DDX54: variants seen among roughly 807,000 people sequenced by gnomAD.
DDX54 encodes DEAD-box helicase 54.
A neutral mutation model predicts 105.5 loss-of-function variants in DDX54; 67 were observed. That is an observed-to-expected ratio of 0.64 (90% CI 0.52 to 0.78). The LOEUF is 0.78. Ranked by LOEUF, DDX54 falls within the 30% of genes least tolerant of loss-of-function variation. The pLI is 0.00. For missense variants in DDX54, 1,206 were observed against 1,230.5 expected, an observed-to-expected ratio of 0.98 and a Z score of 0.30; for synonymous variants, 514 against 509.9, an observed-to-expected ratio of 1.01 and a Z score of -0.11.
Position 113,159,080 on chromosome 12 carries a change from G to A in DDX54, c.2443C>T (p.Pro815Ser), listed in dbSNP as rs762526913. The A allele has an allele frequency of 6.2e-7, 1 of 1,606,198 alleles. No homozygotes were observed. Among genetic ancestry groups the A allele is most frequent in the Non-Finnish European group, 8.5e-7 (1 of 1,177,300 alleles). ...GASRPHAPGT[P>S]AGRVRPELKT... The stretch of plus-strand genomic sequence containing the variant: ...AGTTCCGGGCGGACTCGGCCTGCAG[G>A]GGTGCCTGGGGCGTGGGGCCGGGAT... The change falls in exon 20 of 20, where the codon CCT becomes TCT. Residue 815 changes from proline to serine, a missense_variant. Physicochemically the swap from Pro to Ser is moderately conservative, Grantham distance 74. Around this residue, in one of 3 missense-constraint regions of DDX54, gnomAD observed 961 missense variants for 1,019.1 expected, o/e 0.94. Coordinates refer to ENST00000306014, the MANE Select transcript of DDX54 (RefSeq NM_024072.4).
intron 1 of DDX54, among the ~76,000 whole-genome samples, chr12:113,182,628 G>C (rs1387324468): frequency 2.6e-5 from 4 of 151,796 alleles, no homozygotes; most frequent in Non-Finnish European, 5.9e-5. Flanking sequence ...CAGGATCTTG[G>C]CTCACTGCAG....
chr12:113,184,500 G>C (rs980298474), intron 1 of DDX54, among the ~76,000 whole-genome samples: 3 of 152,190 alleles, frequency 2.0e-5, no homozygotes, highest in African/African-American at 7.2e-5. Flanking sequence ...GGCTCGTACA[G>C]CTCTTAGCAT....
chr12:113,174,643 A>T lies in DDX54; in HGVS notation c.1065T>A (p.Thr355=). ...TCCCACTCAGGACCCTGCTCACCTC[A>T]GTGAGGTACTCGGCGTGGTGCTTCG... ...VATKHHAEYL[T]ELLTTQRVSC... Residue 355 remains threonine, a synonymous_variant, in exon 10 of 20, where the codon ACT becomes ACA. Transcript: ENST00000306014. 6.2e-7 allele frequency: 1 copy of T among 1,611,636 alleles called. No homozygotes were observed. The highest frequency in any genetic ancestry group is 2.2e-5 in the East Asian group (1 of 44,786).
Position 113,172,524 on chromosome 12 carries a change from T to C in DDX54, c.1108A>G (p.Ser370Gly). Residue 370 changes from serine (S) to glycine (G), a missense_variant, in exon 11 of 20, where the codon AGT becomes GGT. Around this residue, in one of 3 missense-constraint regions of DDX54, gnomAD observed 961 missense variants for 1,019.1 expected, o/e 0.94. Coordinates refer to ENST00000306014, the MANE Select transcript of DDX54 (RefSeq NM_024072.4). The stretch of plus-strand genomic sequence containing the variant: ...TTGCGGGCTGTCGGGTCTAGGGCAC[T>C]GTAGATGTGGGCGCAGCTCACCCGC... ...TQRVSCAHIYSALDPTARKIN... is the reference protein window; with the variant it reads ...TQRVSCAHIYGALDPTARKIN... 1 of 1,614,212 alleles carries C rather than the reference T, an allele frequency of 6.2e-7. No homozygotes were observed. The highest frequency in any genetic ancestry group is 1.1e-5 in the South Asian group (1 of 91,086).
chr12:113,163,990 C>T lies in DDX54; in HGVS notation c.1938+77G>A. ...CATCCACTGCTCAAAGATCCTAGGACAGCCTCATGGGCTGCTGGGACTTAG... is the reference window on the plus strand; with the variant it reads ...CATCCACTGCTCAAAGATCCTAGGATAGCCTCATGGGCTGCTGGGACTTAG... On this transcript the variant is annotated intron_variant, in intron 15 of 19. Transcript: ENST00000306014. This position sits in a 1 kb window ranked among gnomAD's most constrained non-coding sequence, Gnocchi z 5.9. The T allele has an allele frequency of 6.8e-7, 1 of 1,471,588 alleles. No individual in the cohort carries two copies. The highest frequency in any genetic ancestry group is 1.4e-5 in the South Asian group (1 of 72,166). The allele number at this position is 1,471,588 out of a possible 1,614,324, so 91.2% of individuals were successfully genotyped here. A position where few individuals can be genotyped will look rare whatever the true frequency, so the allele number is the denominator to read the frequency against.
rs531733346 is a variant in DDX54, at chr12:113,185,454, G to C, written c.-3C>G. ...GCCGGGCCCTTGTCGGCCGCCATTC[G>C]GGCCGCGCGCTGGGAACGCAGAAGG... On this transcript the variant is annotated 5_prime_UTR_variant, in exon 1 of 20. Coordinates refer to ENST00000306014, the MANE Select transcript of DDX54 (RefSeq NM_024072.4). The C allele has an allele frequency of 1.9e-5, 28 of 1,500,638 alleles. No individual in the cohort carries two copies. In the East Asian group the frequency reaches 5.8e-4, roughly 31 times the overall value. The allele number at this position is 1,500,638 out of a possible 1,614,324, so 93.0% of individuals were successfully genotyped here.
Position 113,165,999 on chromosome 12 carries a change from AC to A in DDX54, c.1447del (p.Val483CysfsTer78). On this transcript the variant is annotated frameshift_variant, in exon 13 of 20. Coordinates refer to ENST00000306014, the MANE Select transcript of DDX54 (RefSeq NM_024072.4). LOFTEE classifies it high-confidence loss of function. ...CTCCTCGTCCACCACACTCTGTGGC[AC>A]CCGACCCAGCATGCCATCCACACCG... Reference protein sequence around the residue: ...VAGVDGMLGRVPQSVVDEEDS... With the variant: ...VAGVDGMLGRXPQSVVDEEDS... The A allele has an allele frequency of 6.2e-7, 1 of 1,610,092 alleles. No homozygotes were observed. Among genetic ancestry groups the A allele is most frequent in the East Asian group, 2.2e-5 (1 of 44,858 alleles).
Position 113,174,856 on chromosome 12 carries a change from G to A in DDX54, c.936+19C>T, listed in dbSNP as rs767646587. The A allele has an allele frequency of 3.1e-6, 5 of 1,614,050 alleles. No homozygotes were observed. The Admixed American group carries it at 5.0e-5, about 16-fold the overall frequency. ...CCACCTGGACACAACCTCCTGGGATGGGACAGGTGCAGCCTCACCTTCAGC... is the reference window on the plus strand; with the variant it reads ...CCACCTGGACACAACCTCCTGGGATAGGACAGGTGCAGCCTCACCTTCAGC... On this transcript the variant is annotated intron_variant, in intron 9 of 19. Transcript: ENST00000306014.
intron 11 of DDX54, 129 bp downstream of exon 11, chr12:113,172,224 G>A (rs759307807): frequency 6.8e-6 from 7 of 1,032,022 alleles, no homozygotes; most frequent in African/African-American, 1.6e-5. Flanking sequence ...GCAATATAGC[G>A]AGGCTCTGTC....
Position 113,169,918 on chromosome 12 carries a change from A to G in DDX54, c.1280-14T>C. 6.2e-7 allele frequency: 1 copy of G among 1,613,814 alleles called. No homozygotes were observed. The highest frequency in any genetic ancestry group is 8.5e-7 in the Non-Finnish European group (1 of 1,179,896). ...GAGCCACACGGCCTGCAGCAAGGAG[A>G]CGTTCAAGCTTAATTAAGCAAAGAA... On this transcript the variant is annotated splice_polypyrimidine_tract_variant and intron_variant, in intron 11 of 19. Coordinates refer to ENST00000306014, the MANE Select transcript of DDX54 (RefSeq NM_024072.4).
At position 113,174,931 on chromosome 12, in the gene DDX54, T is replaced by C. The variant is rs776030394; in HGVS notation, c.880A>G (p.Thr294Ala). The C allele has an allele frequency of 4.3e-6, 7 of 1,613,172 alleles. No individual in the cohort carries two copies. In the East Asian group the frequency reaches 1.1e-4, roughly 26 times the overall value. Residue 294 changes from threonine to alanine, a missense_variant, in exon 9 of 20, where the codon ACG (threonine) becomes GCG (alanine). Coordinates refer to ENST00000306014, the MANE Select transcript of DDX54 (RefSeq NM_024072.4). ...LLVEFARAGL[T>A]EPVLIRLDVD... ...TCAAGCCGGATGAGCACGGGCTCCG[T>C]GAGGCCTGCAGGAGACATGGGGGAA...
Position 113,164,100 on chromosome 12 carries a change from C to G in DDX54, c.1905G>C (p.Lys635Asn), listed in dbSNP as rs1418751719. 1.3e-6 allele frequency: 2 copies of G among 1,550,926 alleles called. No individual in the cohort carries two copies. Among genetic ancestry groups the G allele is most frequent in the Non-Finnish European group, 1.7e-6 (2 of 1,146,806 alleles). The change falls in exon 15 of 20, where the codon AAG (lysine) becomes AAC (asparagine). Residue 635 changes from lysine to asparagine, a missense_variant. Lys to Asn is a moderately conservative substitution (Grantham distance 94). This residue lies in a region of DDX54 where 961 missense variants were observed against 1,019.1 expected (regional missense o/e 0.94). Coordinates refer to ENST00000306014, the MANE Select transcript of DDX54 (RefSeq NM_024072.4). ...RPALQEKQPE[K>N]EEEEEAGESV... ...TCTCTCCCGCCTCCTCCTCCTCCTC[C>G]TTCTCAGGCTGCTTCTCCTGCAGTG...
intron 10 of DDX54, among the ~76,000 whole-genome samples, chr12:113,173,399 T>C (rs556626307): frequency 3.3e-5 from 5 of 152,292 alleles, no homozygotes; most frequent in African/African-American, 1.2e-4. Context: ...TCTTATTCAC[T>C]GGTGACCCCA....
rs757393238 is a variant in DDX54, at chr12:113,163,235, A to G, written c.1978T>C (p.Ser660Pro). The G allele has an allele frequency of 1.2e-6, 2 of 1,611,142 alleles. No individual in the cohort carries two copies. Among genetic ancestry groups the G allele is most frequent in the East Asian group, 4.5e-5 (2 of 44,868 alleles). Residue 660 changes from serine (S) to proline (P), a missense_variant, in exon 16 of 20, where the codon TCA (serine) becomes CCA (proline). Coordinates refer to ENST00000306014, the MANE Select transcript of DDX54 (RefSeq NM_024072.4). This position sits in a 1 kb window ranked among gnomAD's most constrained non-coding sequence, Gnocchi z 5.9. ...CTCTTGGCTCCCCTGTTGGGTCCTGACCGCTGCCGCTTCCGGCCCACGACC... is the reference window on the plus strand; with the variant it reads ...CTCTTGGCTCCCCTGTTGGGTCCTGGCCGCTGCCGCTTCCGGCCCACGACC... ...SEVVGRKRQRSGPNRGAKRRR... is the reference protein window; with the variant it reads ...SEVVGRKRQRPGPNRGAKRRR...
At position 113,157,744 on chromosome 12, in the gene DDX54, T is replaced by G; in HGVS notation, c.*1133A>C. The G allele has an allele frequency of 7.7e-7, 1 of 1,299,110 alleles. No homozygotes were observed. The highest frequency in any genetic ancestry group is 1.1e-6 in the Non-Finnish European group (1 of 921,350). 80.5% of individuals were successfully genotyped at this position (1,299,110 alleles called of 1,614,324 possible). ...AGACCCTGAGATAGGAGGGCCCACA[T>G]TTCCAATGGGGTGTGGACTGAGTGG... On this transcript the variant is annotated 3_prime_UTR_variant, in exon 20 of 20. Transcript: ENST00000306014.
At position 113,161,345 on chromosome 12, in the gene DDX54, GATC is replaced by G; in HGVS notation, c.2335_2337del (p.Asp779del). On this transcript the variant is annotated inframe_deletion, in exon 19 of 20. Coordinates refer to ENST00000306014, the MANE Select transcript of DDX54 (RefSeq NM_024072.4). ...GATGCCCCTTCTTCGTCCGAGTCAC[GATC>G]ATCAATTTTCTGTTTCTGTTTCCAC... is the stretch of plus-strand genomic sequence containing the variant. The G allele has an allele frequency of 1.9e-6, 3 of 1,613,274 alleles. No individual in the cohort carries two copies. The highest frequency in any genetic ancestry group is 2.5e-6 in the Non-Finnish European group (3 of 1,179,616).
At chr12:113,179,529 C>T (rs1231740109) in intron 3 of DDX54, among the ~76,000 whole-genome samples, 198 bp from the exon 4 acceptor site, 2 of 152,222 alleles carry the variant, frequency 1.3e-5, no homozygotes, top group Non-Finnish European at 2.9e-5. Context: ...GGCTCACTAC[C>T]CCAACTCTTT....
Position 113,162,250 on chromosome 12 carries a change from G to A in DDX54, c.2196-253C>T, listed in dbSNP as rs146470315. On this transcript the variant is annotated intron_variant, in intron 17 of 19. Coordinates refer to ENST00000306014, the MANE Select transcript of DDX54 (RefSeq NM_024072.4). ...AGGACTGCCGCCAGCACTGGGGCCTGGCTCAGGGACAAGGGCCTCCTGGAG... is the reference window on the plus strand; with the variant it reads ...AGGACTGCCGCCAGCACTGGGGCCTAGCTCAGGGACAAGGGCCTCCTGGAG... Among the ~76,000 whole-genome samples, 415 of 152,290 alleles carry A rather than the reference G, an allele frequency of 2.7e-3. 1 individual carries two copies. Among genetic ancestry groups the A allele is most frequent in the Non-Finnish European group, 4.2e-3 (286 of 68,028 alleles).
At chr12:113,160,006 C>A (rs1435691997) in intron 19 of DDX54, among the ~76,000 whole-genome samples, 2 of 152,218 alleles carry the variant, frequency 1.3e-5, no homozygotes, top group African/African-American at 4.8e-5. Flanking sequence ...GGAAGAACAG[C>A]TGCTTTTTCC....
Sources: allele counts gnomAD v4.1 joint callset (sites outside exome capture counted in the v4.1 genomes callset), GRCh38; gene constraint gnomAD v4.1.1; regional missense constraint gnomAD v4.1.1; non-coding constraint Gnocchi (gnomAD v3.1); transcripts MANE v1.5; gene names NCBI Gene and HGNC (gene_info 2026-07-23, HGNC 2026-07-21).